HAUS8: variants seen among roughly 807,000 people sequenced by gnomAD.
HAUS8 encodes HAUS augmin like complex subunit 8, also known as HAUS augmin-like complex subunit 8.
HAUS8 carries 38 observed loss-of-function variants against 42.9 expected under a neutral mutation model. The ratio of observed to expected loss-of-function variants is 0.89; its 90% confidence interval spans 0.68 to 1.16. The LOEUF (loss-of-function observed/expected upper bound fraction) is 1.16, where lower values mean the gene tolerates loss of function less well. HAUS8 is among the 50% of genes most tolerant of loss of function. The pLI is 0.00. For missense variants in HAUS8, 494 were observed against 511.6 expected (o/e 0.97, Z 0.33); for synonymous variants, 199 against 205.8 (o/e 0.97, Z 0.28).
In HAUS8 at chr19:17,052,834, T is replaced by C. The variant is rs1238808097; in HGVS notation, c.920A>G (p.Glu307Gly). ...GCATTTTCCGAGGTACCTTCGGAGC[T>C]CAAGGTCCTTTTTCGCCGTCACGTC... ...LKDVTAKKDLELRRSFAQVLE... is the reference protein window; with the variant it reads ...LKDVTAKKDLGLRRSFAQVLE... Residue 307 changes from glutamate to glycine, a missense_variant, in exon 10 of 11, where the codon GAG becomes GGG. By Grantham distance (98) the Glu-to-Gly change is moderately conservative. Transcript: ENST00000253669. 1 of 1,614,148 alleles carries C rather than the reference T, an allele frequency of 6.2e-7. No individual in the cohort carries two copies. Among genetic ancestry groups the C allele is most frequent in the Non-Finnish European group, 8.5e-7 (1 of 1,180,012 alleles).
intron 10 of HAUS8, among the ~76,000 whole-genome samples, chr19:17,050,729 CTA>C (rs2123355262): frequency 6.6e-6 from 1 of 152,220 alleles, no homozygotes; most frequent in African/African-American, 2.4e-5. Context: ...AAGCCCATCT[CTA>C]TTAAAAATAC....
chr19:17,050,552 G>A (rs1410791601), intron 10 of HAUS8, among the ~76,000 whole-genome samples: 1 of 152,128 alleles, frequency 6.6e-6, no homozygotes, highest in African/African-American at 2.4e-5. Flanking sequence ...TTGAGGCCAG[G>A]AGTTCGAGAC....
Position 17,069,096 on chromosome 19 carries a change from C to T in HAUS8, c.92-10G>A. On this transcript the variant is annotated splice_polypyrimidine_tract_variant and intron_variant, in intron 2 of 10. Transcript: ENST00000253669. ...TCAATCACTCTTCCACCTGTGGGGACACACTGTTGGTGCACAACAAAACTA... is the reference window on the plus strand; with the variant it reads ...TCAATCACTCTTCCACCTGTGGGGATACACTGTTGGTGCACAACAAAACTA... 1 of 1,611,976 alleles carries T rather than the reference C, an allele frequency of 6.2e-7. No individual in the cohort carries two copies. The highest frequency in any genetic ancestry group is 8.5e-7 in the Non-Finnish European group (1 of 1,178,758).
At chr19:17,054,934 G>A (rs1291050489) in intron 9 of HAUS8, 1 of 148,746 alleles carries the variant, frequency 6.7e-6, no homozygotes, top group East Asian at 2.0e-4. Flanking sequence ...TTGCACTACT[G>A]TACTCCAGGC....
At chr19:17,066,808 T>A (rs1319459417) in intron 3 of HAUS8, among the ~76,000 whole-genome samples, 5 of 152,156 alleles carry the variant, frequency 3.3e-5, no homozygotes, top group African/African-American at 1.2e-4. Flanking sequence ...TACGGAGGCT[T>A]TATTCATAAT....
intron 4 of HAUS8, among the ~76,000 whole-genome samples, chr19:17,060,417 C>T (rs8103578): frequency 0.44 from 67,418 of 151,912 alleles, 15,220 homozygotes; most frequent in South Asian, 0.58. Flanking sequence ...TCTCTTTCCA[C>T]CTTTTTTGTT....
chr19:17,068,361 AC>A (rs2057400743), intron 3 of HAUS8, among the ~76,000 whole-genome samples: 1 of 151,676 alleles, frequency 6.6e-6, no homozygotes, highest in African/African-American at 2.4e-5. Context: ...TGATCCGCCC[AC>A]CTCGGCCTCC....
intron 3 of HAUS8, among the ~76,000 whole-genome samples, chr19:17,063,606 G>A (rs919097137): frequency 6.6e-6 from 1 of 152,126 alleles, no homozygotes; most frequent in Non-Finnish European, 1.5e-5. Flanking sequence ...AACATTTTTG[G>A]GTGTGTCTGT....
intron 3 of HAUS8, among the ~76,000 whole-genome samples, chr19:17,066,921 C>CA: frequency 6.6e-6 from 1 of 152,242 alleles, no homozygotes; most frequent in South Asian, 2.1e-4. Flanking sequence ...AAGAAGGAAC[C>CA]AGGCCGGGCA....
At chr19:17,055,114 G>GGA (rs1342027832) in intron 9 of HAUS8, 6 of 4,714 alleles carry the variant, frequency 1.3e-3, no homozygotes, top group African/African-American at 3.5e-3. Context: ...CGTCTCTACA[G>GGA]AAAAAAAAAA....
chr19:17,052,160 GT>G (rs2057291327), intron 10 of HAUS8: 1 of 150,804 alleles, frequency 6.6e-6, no homozygotes, highest in Non-Finnish European at 1.5e-5. Context: ...TAGAAACAAG[GT>G]CTCACCATGT....
Position 17,052,894 on chromosome 19 carries a change from T to C in HAUS8, c.860A>G (p.Asn287Ser). ...GCTCAGTAAGTCCAGCACCTGCACATTTTCTTCCGAATCACCAACATCAAG... is the reference window on the plus strand; with the variant it reads ...GCTCAGTAAGTCCAGCACCTGCACACTTTCTTCCGAATCACCAACATCAAG... The part of the protein sequence containing the change: ...GELDVGDSEE[N>S]VQVLDLLSEL... Residue 287 changes from asparagine to serine, a missense_variant, in exon 10 of 11, where the codon AAT (asparagine) becomes AGT (serine). Asn to Ser is a conservative substitution (Grantham distance 46). Coordinates refer to ENST00000253669, the MANE Select transcript of HAUS8 (RefSeq NM_033417.2). 1 of 1,614,124 alleles carries C rather than the reference T, an allele frequency of 6.2e-7. No individual in the cohort carries two copies. Among genetic ancestry groups the C allele is most frequent in the Non-Finnish European group, 8.5e-7 (1 of 1,180,028 alleles).
At position 17,049,984 on chromosome 19, in the gene HAUS8, G is replaced by A. The variant is rs770603251; in HGVS notation, c.1122C>T (p.Ala374=). 3.7e-6 allele frequency: 6 copies of A among 1,601,482 alleles called. No homozygotes were observed. The highest frequency in any genetic ancestry group is 5.1e-6 in the Non-Finnish European group (6 of 1,174,546). Residue 374 remains alanine (A), a synonymous_variant, in exon 11 of 11, where the codon GCC becomes GCT. Transcript: ENST00000253669. ...TPLSEDDNPG[A]SSAPAQATFI... is the part of the protein sequence containing the mutation. ...ACGTGGCCTGAGCGGGGGCTGACGA[G>A]GCACCCGGGTTGTCGTCCTCAGACA... is the stretch of plus-strand genomic sequence containing the variant.
At chr19:17,052,692 A>T in intron 10 of HAUS8, 133 bp downstream of exon 10, 2 of 866,736 alleles carry the variant, frequency 2.3e-6, no homozygotes, top group Non-Finnish European at 1.8e-6. Context: ...CGTCTGGGAA[A>T]AGAGCAGCTC....
intron 4 of HAUS8, among the ~76,000 whole-genome samples, chr19:17,061,133 CTT>C (rs5827355): frequency 2.8e-3 from 397 of 140,662 alleles, no homozygotes; most frequent in Middle Eastern, 3.6e-3. Context: ...TGGAAATTTT[CTT>C]TTTTTTTTTT....
upstream of HAUS8, chr19:17,075,458 CT>C (rs1169307531): frequency 6.2e-7 from 1 of 1,612,514 alleles, no homozygotes; most frequent in African/African-American, 1.3e-5. Context: ...GACCCGCCGG[CT>C]TTTCAAAGCC....
intron 6 of HAUS8, 138 bp from the exon 7 acceptor site, chr19:17,059,014 G>T: frequency 1.5e-6 from 1 of 657,484 alleles, no homozygotes. Flanking sequence ...ACTGTAGTGG[G>T]TCTATTGCTT....
At chr19:17,055,254 C>T (rs1351113100) in intron 9 of HAUS8, among the ~76,000 whole-genome samples, 1 of 113,426 alleles carries the variant, frequency 8.8e-6, no homozygotes, top group East Asian at 2.7e-4. Context: ...GTGGGAGGAT[C>T]ACTTAAACCC....
chr19:17,072,499 T>A (rs926388687), intron 2 of HAUS8, among the ~76,000 whole-genome samples: 1 of 151,906 alleles, frequency 6.6e-6, no homozygotes, highest in Non-Finnish European at 1.5e-5. Context: ...CCTACCACCA[T>A]GGCCGGCTAA....
Sources: gnomAD v4.1 joint callset for allele counts (sites outside exome capture counted in the v4.1 genomes callset) on GRCh38, gnomAD v4.1.1 for gene constraint, MANE v1.5 for transcripts, NCBI Gene and HGNC (gene_info 2026-07-23, HGNC 2026-07-21) for gene names.